The following EVI5 variants were observed in gnomAD, a reference collection of about 807,000 sequenced individuals.
EVI5 encodes the protein ecotropic viral integration site 5.
Under a neutral mutation model 112.0 loss-of-function variants are expected in EVI5, and 73 were observed. That is an observed-to-expected ratio of 0.65 (90% CI 0.54 to 0.79). The LOEUF is 0.79. EVI5 is among the 30% of genes least tolerant of loss of function. EVI5 has a pLI of 0.00. For synonymous variants in EVI5, 305 were observed against 319.9 expected (o/e 0.95, Z 0.50); for missense variants, 900 against 968.8 (o/e 0.93, Z 0.94).
At chr1:92,538,689 C>T (rs964308725) in intron 19 of EVI5, among the ~76,000 whole-genome samples, 3 of 152,096 alleles carry the variant, frequency 2.0e-5, no homozygotes, top group African/African-American at 4.8e-5. Context: ...AGTAAACCCA[C>T]AGGAGAAGCA....
chr1:92,780,292 T>A (rs1440248652), intron 1 of EVI5, among the ~76,000 whole-genome samples: 1 of 152,214 alleles, frequency 6.6e-6, no homozygotes, highest in Non-Finnish European at 1.5e-5. Context: ...CTTTATAAAT[T>A]ACCCCGTCTT....
chr1:92,542,896 A>C (rs1019659616), intron 19 of EVI5, among the ~76,000 whole-genome samples: 1 of 152,188 alleles, frequency 6.6e-6, no homozygotes, highest in African/African-American at 2.4e-5. Context: ...CAGTGGGCTT[A>C]AAATATTTAT....
At chr1:92,704,070 G>A (rs1419019406) in intron 3 of EVI5, 1 of 156,662 alleles carries the variant, frequency 6.4e-6, no homozygotes, top group Non-Finnish European at 1.4e-5. Context: ...AACACTTGGA[G>A]AGGCGGAGGT....
upstream of EVI5, among the ~76,000 whole-genome samples, chr1:92,786,944 C>T (rs1685685138): frequency 6.6e-6 from 1 of 152,144 alleles, no homozygotes; most frequent in Non-Finnish European, 1.5e-5. Context: ...TGCTCTGTGC[C>T]CAGAAAGTTC....
intron 16 of EVI5, among the ~76,000 whole-genome samples, chr1:92,619,073 G>A (rs1028033644): frequency 1.3e-5 from 2 of 152,140 alleles, no homozygotes; most frequent in Admixed American, 1.3e-4. Flanking sequence ...CTGACAAGGG[G>A]TGGACTTGTG....
chr1:92,748,752 T>A lies in EVI5; in HGVS notation c.-81-12125A>T, dbSNP rs557479474. Among the ~76,000 whole-genome samples the A allele has an allele frequency of 1.2e-3, 187 of 152,136 alleles. 1 individual carries two copies. The highest frequency in any genetic ancestry group is 4.4e-3 in the African/African-American group (184 of 41,528). ...TTGTCTATAGTGTGCTATGAGTAGG[T>A]ACAAGTACACTAAGAAAATATAAAT... On this transcript the variant is annotated intron_variant, in intron 1 of 19. Transcript: ENST00000684568.
At chr1:92,620,119 C>A (rs1456949435) in intron 16 of EVI5, among the ~76,000 whole-genome samples, 1 of 152,012 alleles carries the variant, frequency 6.6e-6, no homozygotes, top group East Asian at 1.9e-4. Context: ...CCGAGACGGG[C>A]GGATCACCTG....
At chr1:92,597,505 G>A (rs376913123) in intron 18 of EVI5, among the ~76,000 whole-genome samples, 8 of 152,120 alleles carry the variant, frequency 5.3e-5, no homozygotes, top group African/African-American at 1.9e-4. Flanking sequence ...ACTCTGTAAT[G>A]GTAAATTCAT....
chr1:92,602,477 T>C (rs888736212), intron 18 of EVI5, among the ~76,000 whole-genome samples: 1 of 152,146 alleles, frequency 6.6e-6, no homozygotes, highest in Non-Finnish European at 1.5e-5. Flanking sequence ...CTCCTTGTAA[T>C]ATGGAACTCC....
intron 16 of EVI5, among the ~76,000 whole-genome samples, chr1:92,618,659 G>C (rs1653785321): frequency 6.6e-6 from 1 of 151,790 alleles, no homozygotes; most frequent in African/African-American, 2.4e-5. Flanking sequence ...ACTCCACCAG[G>C]AAAAAAAACA....
At chr1:92,720,768 T>G (rs537554678) in intron 2 of EVI5, among the ~76,000 whole-genome samples, 1 of 152,104 alleles carries the variant, frequency 6.6e-6, no homozygotes, top group African/African-American at 2.4e-5. Flanking sequence ...ATCTTTGCAA[T>G]CTACCCAACT....
In EVI5 at chr1:92,633,708, T is replaced by A. The variant is rs17870030; in HGVS notation, c.1527+2494A>T. Among the ~76,000 whole-genome samples, 3 of 152,326 alleles carry A rather than the reference T, an allele frequency of 2.0e-5. No homozygotes were observed. In the East Asian group the frequency reaches 5.8e-4, roughly 29 times the overall value. ...ATATTGTTATGTGTGAATTTGATCCTGACATTATGATGTTAGCTGATAACG... is the reference window on the plus strand; with the variant it reads ...ATATTGTTATGTGTGAATTTGATCCAGACATTATGATGTTAGCTGATAACG... On this transcript the variant is annotated intron_variant, in intron 14 of 19. Coordinates refer to ENST00000684568, the MANE Select transcript of EVI5 (RefSeq NM_001350197.2).
chr1:92,612,194 C>T (rs1651983724), intron 16 of EVI5, among the ~76,000 whole-genome samples: 1 of 148,498 alleles, frequency 6.7e-6, no homozygotes, highest in Admixed American at 6.8e-5. Flanking sequence ...AGGTAGCAAA[C>T]ATTAATAGAA....
Position 92,511,792 on chromosome 1 carries a change from C to A in EVI5, c.*1864G>T, listed in dbSNP as rs573085743. On this transcript the variant is annotated 3_prime_UTR_variant, in exon 20 of 20. Coordinates refer to ENST00000684568, the MANE Select transcript of EVI5 (RefSeq NM_001350197.2). ...CAGGGGTATGTTTTCAATTTCATTT[C>A]TCAGGCAAGCAAATAGCTACAAAAA... 1 of 152,150 alleles carries A rather than the reference C, an allele frequency of 6.6e-6. No homozygotes were observed. Among genetic ancestry groups the A allele is most frequent in the East Asian group, 1.9e-4 (1 of 5,194 alleles). 9.4% of individuals were successfully genotyped at this position (152,150 alleles called of 1,614,324 possible).
Position 92,695,426 on chromosome 1 carries a change from A to C in EVI5, c.793T>G (p.Phe265Val). 6.2e-7 allele frequency: 1 copy of C among 1,607,794 alleles called. No individual in the cohort carries two copies. Among genetic ancestry groups the C allele is most frequent in the Non-Finnish European group, 8.5e-7 (1 of 1,174,960 alleles). The change falls in exon 7 of 20, where the codon TTT becomes GTT. Residue 265 changes from phenylalanine (F) to valine (V), a missense_variant. Transcript: ENST00000684568. ...QEHLPELFVH[F>V]QSQSFHTSMY... ...GAGGTATGAAAACTCTGAGATTGAA[A>C]ATGTACAAAGAGCTCTGGAAGATGC...
chr1:92,644,746 T>C (rs1050273431), intron 13 of EVI5, among the ~76,000 whole-genome samples: 13 of 152,196 alleles, frequency 8.5e-5, no homozygotes, highest in African/African-American at 3.1e-4. Context: ...AATTAAAATA[T>C]GTTCTAATTT....
In EVI5 at chr1:92,792,339, T is replaced by A. The variant is rs983364271; in HGVS notation, c.51+5A>T. The A allele has an allele frequency of 7.6e-6, 12 of 1,584,806 alleles. No homozygotes were observed. In the East Asian group the frequency reaches 2.7e-4, roughly 35 times the overall value. On this transcript the variant is annotated splice_donor_5th_base_variant and intron_variant, in intron 1 of 17. Coordinates refer to the EVI5 transcript ENST00000370331. ...ATAAAATCAAACATCGTTTTACACATTTACCTGTTTCCCACTAGGGTTTCT... is the reference window on the plus strand; with the variant it reads ...ATAAAATCAAACATCGTTTTACACAATTACCTGTTTCCCACTAGGGTTTCT...
At chr1:92,670,788 G>A (rs1558036882) in intron 10 of EVI5, among the ~76,000 whole-genome samples, 1 of 151,982 alleles carries the variant, frequency 6.6e-6, no homozygotes, top group Non-Finnish European at 1.5e-5. Context: ...AAAAACTGAG[G>A]CAATTAGAAG....
intron 19 of EVI5, among the ~76,000 whole-genome samples, chr1:92,553,135 T>C (rs1165952092): frequency 6.6e-6 from 1 of 151,930 alleles, no homozygotes; most frequent in Non-Finnish European, 1.5e-5. Context: ...ATTATTTATT[T>C]ATTTATTTAT....
Sources: allele counts gnomAD v4.1 joint callset (sites outside exome capture counted in the v4.1 genomes callset), GRCh38; gene constraint gnomAD v4.1.1; transcripts MANE v1.5; gene names NCBI Gene and HGNC (gene_info 2026-07-23, HGNC 2026-07-21).